Variants in GALNT10 observed in about 807,000 individuals in gnomAD.
The protein encoded by GALNT10 is GalNAc transferase 10.
A neutral mutation model predicts 75.0 loss-of-function variants in GALNT10; 41 were observed. The observed-to-expected ratio is 0.55, with a 90% CI of 0.43 to 0.71. GALNT10 has a LOEUF of 0.71. Ranked by LOEUF, GALNT10 falls within the 30% of genes least tolerant of loss-of-function variation. The pLI, the probability that GALNT10 is intolerant of heterozygous loss-of-function variation, is 0.00. For synonymous variants in GALNT10, 302 were observed against 313.0 expected, an observed-to-expected ratio of 0.96 and a Z score of 0.37; for missense variants, 727 against 818.5, an observed-to-expected ratio of 0.89 and a Z score of 1.36.
intron 1 of GALNT10, among the ~76,000 whole-genome samples, chr5:154,258,748 T>C (rs1434579393): frequency 1.3e-5 from 2 of 152,188 alleles, no homozygotes; most frequent in Non-Finnish European, 2.9e-5. Flanking sequence ...GCCTGGCTAT[T>C]CATGACTATT....
intron 7 of GALNT10, among the ~76,000 whole-genome samples, chr5:154,393,455 G>A (rs1755951364): frequency 6.6e-6 from 1 of 152,176 alleles, no homozygotes; most frequent in Non-Finnish European, 1.5e-5. Flanking sequence ...TCAAAGTACA[G>A]CCGTCTCTTT....
chr5:154,236,911 G>A (rs1210020797), intron 1 of GALNT10, among the ~76,000 whole-genome samples: 2 of 152,172 alleles, frequency 1.3e-5, no homozygotes, highest in East Asian at 3.9e-4. Flanking sequence ...CTATCTTTGT[G>A]TCTCAGGCCT....
intron 1 of GALNT10, chr5:154,219,809 C>T (rs1444287763): frequency 4.2e-5 from 5 of 118,636 alleles, no homozygotes; most frequent in South Asian, 2.8e-4. Flanking sequence ...AACACTCTCT[C>T]GCGCTCTCTC....
At chr5:154,274,057 A>C (rs1753912254) in intron 1 of GALNT10, among the ~76,000 whole-genome samples, 1 of 152,224 alleles carries the variant, frequency 6.6e-6, no homozygotes, top group Non-Finnish European at 1.5e-5. Context: ...AAGCTAGGGC[A>C]TTCTAGCCCT....
intron 1 of GALNT10, among the ~76,000 whole-genome samples, chr5:154,214,640 C>T (rs1056562359): frequency 6.6e-6 from 1 of 152,164 alleles, no homozygotes; most frequent in Non-Finnish European, 1.5e-5. Flanking sequence ...TCATTACACA[C>T]CGAGGTTATG....
intron 4 of GALNT10, among the ~76,000 whole-genome samples, chr5:154,342,060 C>T (rs1419523564): frequency 6.6e-6 from 1 of 152,074 alleles, no homozygotes; most frequent in East Asian, 1.9e-4. Context: ...GTGACAGGGC[C>T]GGGCACATGG....
intron 8 of GALNT10, 101 bp downstream of exon 8, chr5:154,404,312 G>A (rs1221625216): frequency 8.0e-6 from 5 of 621,592 alleles, no homozygotes; most frequent in Non-Finnish European, 1.4e-5. Flanking sequence ...GTGATCTCTG[G>A]GTTTGAGGAT....
At chr5:154,216,753 T>C (rs1294871962) in intron 1 of GALNT10, among the ~76,000 whole-genome samples, 1 of 152,218 alleles carries the variant, frequency 6.6e-6, no homozygotes, top group Non-Finnish European at 1.5e-5. Context: ...ATTATTTATT[T>C]ATTAAATTGT....
chr5:154,227,451 C>G (rs147140213), intron 1 of GALNT10, among the ~76,000 whole-genome samples: 1 of 152,074 alleles, frequency 6.6e-6, no homozygotes, highest in East Asian at 1.9e-4. Flanking sequence ...CTCTGTACAT[C>G]TTTTTTTTGT....
chr5:154,312,660 T>C (rs1470306147), intron 3 of GALNT10, among the ~76,000 whole-genome samples: 4 of 152,212 alleles, frequency 2.6e-5, no homozygotes, highest in Admixed American at 6.5e-5. Flanking sequence ...CATTTCCAGG[T>C]CCTTGCTTCT....
chr5:154,300,517 G>C (rs921457178), intron 3 of GALNT10, among the ~76,000 whole-genome samples: 4 of 152,230 alleles, frequency 2.6e-5, no homozygotes, highest in African/African-American at 9.6e-5. Context: ...CACGTATAAT[G>C]AGGGTTGAGA....
chr5:154,195,880 T>G, intron 1 of GALNT10, among the ~76,000 whole-genome samples: 1 of 152,198 alleles, frequency 6.6e-6, no homozygotes, highest in East Asian at 1.9e-4. Context: ...TGTAGATCTA[T>G]TTTTGTACAT....
rs142236674 is a variant in GALNT10 at position 154,218,908 on chromosome 5, C to CTCT, written c.159+27890_159+27892dup. Reference sequence around the variant, plus strand: ...GTGCTGAGTCTTTGTTTATTGAAGCCTCTTCTTCTGTTTTCCTGTGTCCTT... The same window carrying CTCT: ...GTGCTGAGTCTTTGTTTATTGAAGCCTCTTCTTCTTCTGTTTTCCTGTGTCCTT... On this transcript the variant is annotated intron_variant, in intron 1 of 11. Transcript: ENST00000297107. Among the ~76,000 whole-genome samples, 844 of 152,204 alleles carry CTCT rather than the reference C, an allele frequency of 5.5e-3. 9 individuals carry two copies. The highest frequency in any genetic ancestry group is 0.02 in the African/African-American group (821 of 41,524).
Position 154,376,813 on chromosome 5 carries a change from A to C in GALNT10, c.754+351A>C, listed in dbSNP as rs957181149. ...GCTGTTAATAGCCAAACTGTGGGGG[A>C]CATCATCATATCAACTTAGAAGAGT... On this transcript the variant is annotated intron_variant, in intron 5 of 11. Transcript: ENST00000297107. This position sits in a 1 kb window ranked among gnomAD's most constrained non-coding sequence, Gnocchi z 4.1. Among the ~76,000 whole-genome samples the C allele has an allele frequency of 6.6e-6, 1 of 152,194 alleles. No individual in the cohort carries two copies. The highest frequency in any genetic ancestry group is 2.4e-5 in the African/African-American group (1 of 41,450).
chr5:154,228,471 A>G (rs1290964546), intron 1 of GALNT10, among the ~76,000 whole-genome samples: 1 of 152,222 alleles, frequency 6.6e-6, no homozygotes, highest in Non-Finnish European at 1.5e-5. Flanking sequence ...TCCAGTAAAG[A>G]TTGGCATTTG....
At chr5:154,333,347 G>T (rs1754895483) in intron 4 of GALNT10, among the ~76,000 whole-genome samples, 2 of 152,128 alleles carry the variant, frequency 1.3e-5, no homozygotes, top group African/African-American at 4.8e-5. Context: ...ACTCGCCTTG[G>T]GTGGTTAAGT....
At chr5:154,249,561 G>GCC (rs201011066) in intron 1 of GALNT10, among the ~76,000 whole-genome samples, 1 of 151,332 alleles carries the variant, frequency 6.6e-6, no homozygotes, top group African/African-American at 2.4e-5. Flanking sequence ...GCCAACTCCA[G>GCC]CCCCCCCCAG....
chr5:154,359,569 A>C (rs1443336753), intron 4 of GALNT10, among the ~76,000 whole-genome samples: 5 of 150,968 alleles, frequency 3.3e-5, no homozygotes, highest in Admixed American at 2.0e-4. Context: ...GAGAGAAAAG[A>C]AAAAACACTT....
chr5:154,301,015 G>A (rs1255930608), intron 3 of GALNT10, among the ~76,000 whole-genome samples: 1 of 152,184 alleles, frequency 6.6e-6, no homozygotes, highest in African/African-American at 2.4e-5. Context: ...GACTTAGGAA[G>A]TGGAGCCAGG....
Sources: gnomAD v4.1 joint callset for allele counts (sites outside exome capture counted in the v4.1 genomes callset) on GRCh38, gnomAD v4.1.1 for gene constraint, Gnocchi (gnomAD v3.1) non-coding constraint, MANE v1.5 for transcripts, NCBI Gene and HGNC (gene_info 2026-07-23, HGNC 2026-07-21) for gene names.